Variants in CYP20A1 observed in about 807,000 individuals in gnomAD.
CYP20A1 encodes the protein cytochrome P450 family 20 subfamily A member 1.
A neutral mutation model predicts 61.4 loss-of-function variants in CYP20A1; 61 were observed. The ratio of observed to expected loss-of-function variants is 0.99; its 90% CI spans 0.81 to 1.23. CYP20A1 has a LOEUF of 1.23. Among genes scored for constraint, CYP20A1 ranks in the 50% most tolerant of loss-of-function variants. CYP20A1 has a pLI of 0.00. For synonymous variants in CYP20A1, 193 were observed against 188.2 expected (o/e 1.03, Z -0.21); for missense variants, 530 against 542.4 (o/e 0.98, Z 0.23).
At chr2:203,273,354 A>G (rs979218168) in intron 6 of CYP20A1, among the ~76,000 whole-genome samples, 1 of 152,216 alleles carries the variant, frequency 6.6e-6, no homozygotes, top group Admixed American at 6.5e-5. Flanking sequence ...ACTAAGAACC[A>G]TAAATAATGG....
At chr2:203,243,675 C>T (rs995606169) in intron 1 of CYP20A1, among the ~76,000 whole-genome samples, 9 of 146,070 alleles carry the variant, frequency 6.2e-5, no homozygotes, top group African/African-American at 1.5e-4. Context: ...TGAGCCACTG[C>T]GCCTGGCCTC....
Position 203,289,867 on chromosome 2 carries a change from T to A in CYP20A1, c.1074T>A (p.Ile358=), listed in dbSNP as rs142764636. The change falls in exon 10 of 13, where the codon ATT becomes ATA. Residue 358 remains isoleucine (I), a synonymous_variant. Coordinates refer to ENST00000356079, the MANE Select transcript of CYP20A1 (RefSeq NM_177538.3). ...AAGGAAAAATTGACCGATTTATTAT[T>A]CCTAGAGAGGTAGAAAACCTTTAAT... is the stretch of plus-strand genomic sequence containing the variant. The part of the protein sequence containing the change: ...DIEGKIDRFI[I]PRETLVLYAL... 213 of 1,544,832 alleles carry A rather than the reference T, an allele frequency of 1.4e-4. 1 individual carries two copies. The African/African-American group carries it at 2.4e-3, about 17-fold the overall frequency.
At chr2:203,243,731 C>T (rs559811988) in intron 1 of CYP20A1, among the ~76,000 whole-genome samples, 89 of 145,990 alleles carry the variant, frequency 6.1e-4, no homozygotes, top group Non-Finnish European at 1.0e-3. Context: ...ACTCTGTCAC[C>T]CAGGCTGCAG....
chr2:203,245,922 G>C, intron 2 of CYP20A1, 27 bp downstream of exon 2: 2 of 1,439,822 alleles, frequency 1.4e-6, no homozygotes, highest in Non-Finnish European at 1.9e-6. Flanking sequence ...TTGGAATTAA[G>C]TAGAGTTAAT....
chr2:203,280,751 T>C (rs1191816658), intron 8 of CYP20A1, among the ~76,000 whole-genome samples: 1 of 152,182 alleles, frequency 6.6e-6, no homozygotes, highest in Non-Finnish European at 1.5e-5. Context: ...TTATAATTTT[T>C]CCCTCTTTTT....
chr2:203,291,647 C>T (rs1256613427), intron 10 of CYP20A1, among the ~76,000 whole-genome samples: 3 of 151,658 alleles, frequency 2.0e-5, no homozygotes, highest in Non-Finnish European at 4.4e-5. Context: ...CTGTTGCTTA[C>T]ATTTTTTTTT....
At chr2:203,254,848 G>T (rs1313719349) in intron 4 of CYP20A1, among the ~76,000 whole-genome samples, 1 of 151,932 alleles carries the variant, frequency 6.6e-6, no homozygotes, top group East Asian at 1.9e-4. Flanking sequence ...AAAATTAGCC[G>T]GGCGTGGTGG....
At chr2:203,286,221 C>T (rs1000399951) in intron 9 of CYP20A1, among the ~76,000 whole-genome samples, 4 of 152,014 alleles carry the variant, frequency 2.6e-5, no homozygotes, top group Non-Finnish European at 5.9e-5. Flanking sequence ...CTCAGGAGGT[C>T]GAGGCTACAG....
chr2:203,266,505 C>A lies in CYP20A1; in HGVS notation c.433-9C>A, dbSNP rs759543275. ...ACAGTAATCATTGTGCTTTTCTGTT[C>A]TCTTTCAGCTTTCAGAAGAATTATT... On this transcript the variant is annotated splice_polypyrimidine_tract_variant and intron_variant, in intron 4 of 12. Coordinates refer to ENST00000356079, the MANE Select transcript of CYP20A1 (RefSeq NM_177538.3). The A allele has an allele frequency of 3.1e-6, 5 of 1,611,498 alleles. No individual in the cohort carries two copies. The Admixed American group carries it at 8.3e-5, about 27-fold the overall frequency.
chr2:203,285,752 A>G lies in CYP20A1; in HGVS notation c.971+20A>G. 1.8e-5 allele frequency: 28 copies of G among 1,535,706 alleles called. No homozygotes were observed. Among genetic ancestry groups the G allele is most frequent in the Non-Finnish European group, 2.3e-5 (26 of 1,152,158 alleles). On this transcript the variant is annotated intron_variant, in intron 9 of 12. Transcript: ENST00000356079. ...GCTCAGGTAAGAACACAATAAAAAGAGGAGATTATTAAAAGGTAAATTTGA... is the reference window on the plus strand; with the variant it reads ...GCTCAGGTAAGAACACAATAAAAAGGGGAGATTATTAAAAGGTAAATTTGA...
chr2:203,263,491 T>C (rs1228701446), intron 4 of CYP20A1, among the ~76,000 whole-genome samples: 2 of 151,686 alleles, frequency 1.3e-5, no homozygotes, highest in Admixed American at 6.6e-5. Flanking sequence ...GGTTTCACCA[T>C]GTTGGCCAGG....
intron 4 of CYP20A1, 115 bp downstream of exon 4, chr2:203,252,224 A>C: frequency 1.3e-6 from 1 of 786,042 alleles, no homozygotes; most frequent in Non-Finnish European, 1.8e-6. Flanking sequence ...CCTCTAAGCT[A>C]ATTTTATTCT....
rs1356455609 is a variant in CYP20A1, at chr2:203,279,961, T to TC, written c.796-97dup. The TC allele has an allele frequency of 7.6e-5, 55 of 726,978 alleles. 1 individual carries two copies. The Middle Eastern group carries it at 3.7e-3, about 49-fold the overall frequency. The allele number at this position is 726,978 out of a possible 1,614,324, so 45.0% of individuals were successfully genotyped here. ...AAAATGAAATAATATACTTTTTTTTTCATTGACACTAATTTTATGCTGTAG... is the reference window on the plus strand; with the variant it reads ...AAAATGAAATAATATACTTTTTTTTTCCATTGACACTAATTTTATGCTGTAG... On this transcript the variant is annotated intron_variant, in intron 7 of 12. Transcript: ENST00000356079.
At position 203,242,805 on chromosome 2, in the gene CYP20A1, C is replaced by T. The variant is rs546230366; in HGVS notation, c.73-3041C>T. ...GACCATGTCTCAAAAAAAAAAAAAG[C>T]TTAGGTTGCATGGTCTGTTACTATA... On this transcript the variant is annotated intron_variant, in intron 1 of 12. Transcript: ENST00000356079. Among the ~76,000 whole-genome samples the T allele has an allele frequency of 9.9e-5, 15 of 151,512 alleles. 1 individual carries two copies. The South Asian group carries it at 3.1e-3, about 32-fold the overall frequency.
chr2:203,248,730 C>T (rs370686966), intron 3 of CYP20A1, among the ~76,000 whole-genome samples: 10 of 152,056 alleles, frequency 6.6e-5, no homozygotes, highest in Non-Finnish European at 1.3e-4. Flanking sequence ...CTATTCCCCC[C>T]GCCCCGCCCA....
intron 9 of CYP20A1, among the ~76,000 whole-genome samples, chr2:203,286,605 A>G (rs777700304): frequency 6.6e-6 from 1 of 151,960 alleles, no homozygotes; most frequent in Non-Finnish European, 1.5e-5. Context: ...ACTGGCTACT[A>G]TATGATTTCC....
chr2:203,282,352 A>G (rs2152097695), intron 8 of CYP20A1, among the ~76,000 whole-genome samples: 1 of 152,026 alleles, frequency 6.6e-6, no homozygotes, highest in African/African-American at 2.4e-5. Flanking sequence ...AAAAATGCCT[A>G]TTTGTTTGGT....
rs1165444954 is a variant in CYP20A1, at chr2:203,298,904, G to A, written c.*1996G>A. ...CAAAAAATTATCTGGACATGCTGGC[G>A]TGCGCCTGTAGTCTCAGCTACTTGG... On this transcript the variant is annotated 3_prime_UTR_variant, in exon 13 of 13. Coordinates refer to ENST00000356079, the MANE Select transcript of CYP20A1 (RefSeq NM_177538.3). Among the ~76,000 whole-genome samples, 4 of 151,606 alleles carry A rather than the reference G, an allele frequency of 2.6e-5. No homozygotes were observed. The East Asian group carries it at 7.8e-4, about 29-fold the overall frequency.
At position 203,271,082 on chromosome 2, in the gene CYP20A1, A is replaced by ATATTTT. The variant is rs1178482961; in HGVS notation, c.601-1587_601-1586insATTTTT. Among the ~76,000 whole-genome samples the ATATTTT allele has an allele frequency of 2.7e-3, 84 of 31,634 alleles. 1 individual carries two copies. Among genetic ancestry groups the ATATTTT allele is most frequent in the Non-Finnish European group, 4.2e-3 (72 of 17,124 alleles). The allele number at this position is 31,634 out of a possible 152,430, so 20.8% of individuals were successfully genotyped here. On this transcript the variant is annotated intron_variant, in intron 5 of 12. Coordinates refer to ENST00000356079, the MANE Select transcript of CYP20A1 (RefSeq NM_177538.3). ...TATATATATATATATATATATATAT[A>ATATTTT]TTTTTTTTTTTTTTTTTTTTTTTGA...
Sources: allele counts gnomAD v4.1 joint callset (sites outside exome capture counted in the v4.1 genomes callset), GRCh38; gene constraint gnomAD v4.1.1; transcripts MANE v1.5; gene names NCBI Gene and HGNC (gene_info 2026-07-23, HGNC 2026-07-21).